Variants in SLC11A2 observed in about 807,000 individuals in gnomAD.
SLC11A2 encodes solute carrier family 11 member 2.
A neutral mutation model predicts 68.0 loss-of-function variants in SLC11A2; 38 were observed. The observed-to-expected ratio is 0.56, with a 90% CI of 0.43 to 0.73. The LOEUF (loss-of-function observed/expected upper bound fraction) is 0.73, where lower values mean the gene tolerates loss of function less well. SLC11A2 is among the 30% of genes least tolerant of loss of function. The pLI is 0.00. For missense variants in SLC11A2, 517 were observed against 690.5 expected (o/e 0.75, Z 2.82); for synonymous variants, 242 against 250.6 (o/e 0.97, Z 0.32).
intron 11 of SLC11A2, 190 bp from the exon 12 acceptor site, chr12:50,993,119 T>C (rs1011024428): frequency 2.5e-5 from 16 of 637,820 alleles, no homozygotes; most frequent in Non-Finnish European, 4.2e-5. Context: ...GTCTAAACTT[T>C]ACTGGATGCT....
chr12:50,953,936 A>G, the SLC11A2 span: 1 of 1,017,696 alleles, frequency 9.8e-7, no homozygotes, highest in South Asian at 1.4e-5. Context: ...GGAGAGGAAA[A>G]ACAAATTATT....
Position 50,987,348 on chromosome 12 carries a change from A to G in SLC11A2, c.*977T>C. On this transcript the variant is annotated 3_prime_UTR_variant, in exon 16 of 16. Transcript: ENST00000262052. ...TCGCAAGTCATCTTGGGCATGAAGC[A>G]GAGCGGTGCATCAGAAAAACATGAC... The G allele has an allele frequency of 7.8e-7, 1 of 1,287,246 alleles. No homozygotes were observed. The highest frequency in any genetic ancestry group is 1.0e-6 in the Non-Finnish European group (1 of 988,706). 79.7% of individuals were successfully genotyped at this position (1,287,246 alleles called of 1,614,324 possible). A position where few individuals can be genotyped will look rare whatever the true frequency, so the allele number is the denominator to read the frequency against.
downstream of SLC11A2, among the ~76,000 whole-genome samples, chr12:50,984,895 T>C (rs1940399874): frequency 6.6e-6 from 1 of 152,168 alleles, no homozygotes; most frequent in African/African-American, 2.4e-5. Context: ...CAACCCAACA[T>C]GAAGGGTATA....
intron 1 of SLC11A2, among the ~76,000 whole-genome samples, chr12:51,024,053 C>A (rs1385661911): frequency 6.6e-6 from 1 of 152,178 alleles, no homozygotes; most frequent in African/African-American, 2.4e-5. Flanking sequence ...TAAACTTATA[C>A]CAACTGCACT....
Position 50,996,718 on chromosome 12 carries a change from T to C in SLC11A2, c.831+99A>G, listed in dbSNP as rs116826074. The C allele has an allele frequency of 9.2e-4, 1,135 of 1,234,738 alleles. 8 individuals carry two copies. In the African/African-American group the frequency reaches 0.014, roughly 15 times the overall value. 76.5% of individuals were successfully genotyped at this position (1,234,738 alleles called of 1,614,324 possible). ...GCTTGGAAAATACCTTGCTCCTTCA[T>C]GGTCCTAATAATTGTAAACTAACTT... On this transcript the variant is annotated intron_variant, in intron 9 of 15. Transcript: ENST00000262052.
upstream of SLC11A2, among the ~76,000 whole-genome samples, chr12:51,028,801 C>T (rs1259614712): frequency 1.3e-5 from 2 of 152,170 alleles, no homozygotes; most frequent in Non-Finnish European, 2.9e-5. Context: ...ATCTAAAGGA[C>T]CCTCTGGCTT....
downstream of SLC11A2, among the ~76,000 whole-genome samples, chr12:50,974,696 A>G (rs1321786586): frequency 1.1e-4 from 16 of 152,346 alleles, no homozygotes; most frequent in Non-Finnish European, 2.1e-4. Flanking sequence ...CAGACTGGCA[A>G]ACTGGATGAA....
At chr12:51,012,361 G>C (rs538667076) in intron 1 of SLC11A2, among the ~76,000 whole-genome samples, 2 of 150,586 alleles carry the variant, frequency 1.3e-5, no homozygotes, top group Admixed American at 6.6e-5. Context: ...AAAAAAAAAT[G>C]TTTCAATCTT....
intron 1 of SLC11A2, among the ~76,000 whole-genome samples, chr12:51,014,726 G>A (rs1018996778): frequency 2.6e-5 from 4 of 151,704 alleles, no homozygotes; most frequent in African/African-American, 9.7e-5. Flanking sequence ...GGTGGTAGGT[G>A]CCTGTAATTC....
intron 1 of SLC11A2, among the ~76,000 whole-genome samples, chr12:51,025,336 C>T (rs1190778904): frequency 6.6e-6 from 1 of 152,158 alleles, no homozygotes; most frequent in Admixed American, 6.6e-5. Context: ...TAATTTCATA[C>T]CAACAACCCT....
At chr12:50,981,742 G>A, downstream of SLC11A2, 6 of 1,535,542 alleles carry the variant, frequency 3.9e-6, no homozygotes, top group East Asian at 2.4e-5. Flanking sequence ...AGACACAAGT[G>A]AGTCAGCGTC....
At chr12:51,021,817 T>A (rs1944063289) in intron 1 of SLC11A2, among the ~76,000 whole-genome samples, 1 of 152,006 alleles carries the variant, frequency 6.6e-6, no homozygotes. Context: ...GAGGAAGATG[T>A]AAGGAGGAAG....
In SLC11A2 at chr12:50,996,914, C is replaced by T. The variant is rs751917209; in HGVS notation, c.734G>A (p.Cys245Tyr). The part of the protein sequence containing the change: ...QVLKGMFVPS[C>Y]SGCRTPQIEQ... ...AATCTGTGGAGTGCGACAGCCTGAACAGGATGGTACGAACATGCCCTTGAG... is the reference window on the plus strand; with the variant it reads ...AATCTGTGGAGTGCGACAGCCTGAATAGGATGGTACGAACATGCCCTTGAG... The change falls in exon 9 of 16, where the codon TGT becomes TAT. Residue 245 changes from cysteine to tyrosine, a missense_variant. Transcript: ENST00000262052. 6.2e-7 allele frequency: 1 copy of T among 1,614,060 alleles called. No homozygotes were observed. The highest frequency in any genetic ancestry group is 8.5e-7 in the Non-Finnish European group (1 of 1,179,978).
At chr12:50,995,918 C>T in intron 9 of SLC11A2, 131 bp from the exon 10 acceptor site, 5 of 765,356 alleles carry the variant, frequency 6.5e-6, no homozygotes, top group Non-Finnish European at 1.1e-5. Flanking sequence ...AGAGATCCAA[C>T]ACTCACCTAC....
chr12:51,019,644 CTTTT>C lies in SLC11A2; in HGVS notation c.-39+6662_-39+6665del, dbSNP rs767266753. Among the ~76,000 whole-genome samples the C allele has an allele frequency of 4.9e-3, 666 of 135,736 alleles. 5 individuals carry two copies. The highest frequency in any genetic ancestry group is 0.017 in the African/African-American group (632 of 36,496). The allele number at this position is 135,736 out of a possible 152,430, so 89.0% of individuals were successfully genotyped here. Reference sequence around the variant, plus strand: ...GAGTCTATCAAAAATATCCATCCAACTTTTTTTTTTTTTTTTTTTTTGAGATAGT... The same window carrying C: ...GAGTCTATCAAAAATATCCATCCAACTTTTTTTTTTTTTTTTTGAGATAGT... On this transcript the variant is annotated intron_variant, in intron 1 of 15. Transcript: ENST00000262052.
chr12:51,005,081 C>T (rs1228967618), intron 4 of SLC11A2, among the ~76,000 whole-genome samples, 174 bp from the exon 5 acceptor site: 2 of 152,226 alleles, frequency 1.3e-5, no homozygotes, highest in African/African-American at 4.8e-5. Context: ...TGCTAAGTCA[C>T]CTTGTACCTT....
At chr12:50,967,888 A>G in the SLC11A2 span, among the ~76,000 whole-genome samples, 6 of 152,030 alleles carry the variant, frequency 3.9e-5, no homozygotes, top group Admixed American at 6.6e-5. Context: ...GGAGTTTGAG[A>G]CCATTCTGGG....
downstream of SLC11A2, among the ~76,000 whole-genome samples, chr12:50,984,171 T>C (rs892703787): frequency 4.6e-5 from 7 of 151,820 alleles, no homozygotes; most frequent in East Asian, 1.3e-3. Flanking sequence ...CAATATACTA[T>C]CTCATGTGAG....
In SLC11A2 at chr12:50,992,858, T is replaced by A; in HGVS notation, c.1149A>T (p.Gly383=). Reference sequence around the variant, plus strand: ...AGGTTCCTGTCATGGTGGAGCTCTGTCCTGCAGCCAGGATCCCCACTGCCC... The same window carrying A: ...AGGTTCCTGTCATGGTGGAGCTCTGACCTGCAGCCAGGATCCCCACTGCCC... The part of the protein sequence containing the change: ...YIWAVGILAA[G]QSSTMTGTYS... Residue 383 remains glycine, a synonymous_variant, in exon 12 of 16, where the codon GGA becomes GGT. Coordinates refer to ENST00000262052, the MANE Select transcript of SLC11A2 (RefSeq NM_000617.3). The A allele has an allele frequency of 6.2e-7, 1 of 1,613,992 alleles. No individual in the cohort carries two copies. The highest frequency in any genetic ancestry group is 8.5e-7 in the Non-Finnish European group (1 of 1,179,968).
Sources: allele counts gnomAD v4.1 joint callset (sites outside exome capture counted in the v4.1 genomes callset), GRCh38; gene constraint gnomAD v4.1.1; transcripts MANE v1.5; gene names NCBI Gene and HGNC (gene_info 2026-07-23, HGNC 2026-07-21).